The following SASH1 variants were observed in gnomAD, a reference collection of about 807,000 sequenced individuals.
SASH1 encodes SAM and SH3 domain-containing protein 1.
In SASH1, 44 loss-of-function variants were observed where a neutral mutation model predicts 125.2. The ratio of observed to expected loss-of-function variants is 0.35; its 90% CI spans 0.28 to 0.45. SASH1 has a LOEUF of 0.45. Among genes scored for constraint, SASH1 ranks in the 20% least tolerant of loss-of-function variants. The probability of loss-of-function intolerance (pLI) is 1.00; values close to 1 mark genes in which losing one functional copy is unlikely to be tolerated. For missense variants in SASH1, 1,426 were observed against 1,614.5 expected (o/e 0.88, Z 2.00); for synonymous variants, 639 against 649.1 (o/e 0.98, Z 0.24).
At chr6:148,446,103 T>TTTTTTTTCTTTTTTTTC (rs1776763078) in intron 4 of SASH1, among the ~76,000 whole-genome samples, 4 of 20,672 alleles carry the variant, frequency 1.9e-4, no homozygotes, top group African/African-American at 5.3e-4. Context: ...TTTTTTTTTT[T>TTTTTTTTCTTTTTTTTC]TTTTTTTTTT....
chr6:148,356,928 C>G (rs998297959), intron 1 of SASH1, among the ~76,000 whole-genome samples: 5 of 152,074 alleles, frequency 3.3e-5, no homozygotes, highest in Non-Finnish European at 7.4e-5. Context: ...TTTGTATTTC[C>G]CTGATAGTGA....
At chr6:148,384,637 A>G (rs1783286110) in intron 1 of SASH1, among the ~76,000 whole-genome samples, 1 of 152,210 alleles carries the variant, frequency 6.6e-6, no homozygotes, top group Non-Finnish European at 1.5e-5. Context: ...GTAAAATTAA[A>G]TATTTTTATG....
rs1779638821 is a variant in SASH1, at chr6:148,291,734, T to TA, written n.74+19357_74+19358insA. ...TATTTATGACTCGGGGACTTTTTTT[T>TA]TAAAAAAAGAAATGCTGTTTTAAGT... On this transcript the variant is annotated intron_variant and non_coding_transcript_variant, in intron 1 of 3. Coordinates refer to the SASH1 transcript ENST00000367469. Among the ~76,000 whole-genome samples the TA allele has an allele frequency of 6.6e-5, 10 of 151,930 alleles. No individual in the cohort carries two copies. The South Asian group carries it at 2.1e-3, about 32-fold the overall frequency.
At chr6:148,502,775 A>T (rs1419519429) in intron 8 of SASH1, among the ~76,000 whole-genome samples, 1 of 152,176 alleles carries the variant, frequency 6.6e-6, no homozygotes, top group Non-Finnish European at 1.5e-5. Context: ...GTAGGGCCCC[A>T]GGGCCATGTA....
In SASH1 at chr6:148,534,851, AACACAGAGCTGTTCTCTTG is replaced by A; in HGVS notation, c.2049_2067del (p.His683GlnfsTer29). 6.2e-7 allele frequency: 1 copy of A among 1,614,236 alleles called. No homozygotes were observed. Among genetic ancestry groups the A allele is most frequent in the Non-Finnish European group, 8.5e-7 (1 of 1,180,044 alleles). On this transcript the variant is annotated frameshift_variant, in exon 16 of 20. Coordinates refer to ENST00000367467, the MANE Select transcript of SASH1 (RefSeq NM_015278.5). LOFTEE classifies it high-confidence loss of function. ...GATGAGTTAAATATCAGGGACCCGG[AACACAGAGCTGTTCTCTTG>A]ACAGCAGTGGAGCTGTTACAAGAGT...
Position 148,307,721 on chromosome 6 carries a change from T to A in SASH1, n.74+35344T>A, listed in dbSNP as rs552416838. On this transcript the variant is annotated intron_variant and non_coding_transcript_variant, in intron 1 of 3. Transcript: ENST00000367469. ...TTAGGCAGCTGCTTGTTGAATTAGG[T>A]TATTAAAATGTCTGCTCAGCCTCTT... 1.7e-4 allele frequency among the ~76,000 whole-genome samples: 26 copies of A among 152,190 alleles called. No homozygotes were observed. In the South Asian group the frequency reaches 4.8e-3, roughly 28 times the overall value.
chr6:148,343,363 T>G, intron 1 of SASH1, 140 bp downstream of exon 1: 1 of 684,250 alleles, frequency 1.5e-6, no homozygotes, highest in South Asian at 2.1e-5. Flanking sequence ...CTTAGGGGGC[T>G]AAATACACAC....
At chr6:148,393,826 A>C (rs1783832249) in intron 2 of SASH1, 1 of 568,020 alleles carries the variant, frequency 1.8e-6, no homozygotes, top group African/African-American at 2.0e-5. Context: ...ATGACTGTTC[A>C]TTCTTTAAAT....
Position 148,474,239 on chromosome 6 carries a change from C to G in SASH1, c.627+17C>G. The G allele has an allele frequency of 2.7e-6, 4 of 1,483,778 alleles. No individual in the cohort carries two copies. The highest frequency in any genetic ancestry group is 3.7e-6 in the Non-Finnish European group (4 of 1,075,988). 91.9% of individuals were successfully genotyped at this position (1,483,778 alleles called of 1,614,324 possible). A position where few individuals can be genotyped will look rare whatever the true frequency, so the allele number is the denominator to read the frequency against. On this transcript the variant is annotated intron_variant, in intron 7 of 19. Transcript: ENST00000367467. The stretch of plus-strand genomic sequence containing the variant: ...CTTGCTAGGGTAAGCATGCAGATAC[C>G]TGGTTTATATTTGTGAGGACTTGAC...
intron 2 of SASH1, among the ~76,000 whole-genome samples, chr6:148,437,167 T>C (rs1192223249): frequency 6.6e-6 from 1 of 152,202 alleles, no homozygotes; most frequent in Non-Finnish European, 1.5e-5. Flanking sequence ...GTGACACTCA[T>C]CAGTGTTATA....
chr6:148,415,111 G>A (rs910156193), intron 2 of SASH1, among the ~76,000 whole-genome samples: 4 of 152,198 alleles, frequency 2.6e-5, no homozygotes, highest in Non-Finnish European at 4.4e-5. Flanking sequence ...GATGACAAAT[G>A]AGTAGGGCTT....
intron 1 of SASH1, among the ~76,000 whole-genome samples, chr6:148,334,800 A>G (rs1276281704): frequency 6.6e-6 from 1 of 150,978 alleles, no homozygotes; most frequent in Admixed American, 6.6e-5. Flanking sequence ...CAACAGAGCA[A>G]CACTCCATCT....
chr6:148,493,206 A>G (rs1779182844), intron 8 of SASH1, among the ~76,000 whole-genome samples: 1 of 152,230 alleles, frequency 6.6e-6, no homozygotes, highest in Non-Finnish European at 1.5e-5. Context: ...GTTCAGAGCT[A>G]CAACCCACCA....
chr6:148,476,296 A>G (rs1778341413), intron 7 of SASH1, among the ~76,000 whole-genome samples: 1 of 144,934 alleles, frequency 6.9e-6, no homozygotes, highest in Non-Finnish European at 1.5e-5. Context: ...AAAAAAAAGG[A>G]AAGCTATTCC....
intron 1 of SASH1, among the ~76,000 whole-genome samples, chr6:148,300,930 A>C (rs1227790038): frequency 6.6e-6 from 1 of 152,158 alleles, no homozygotes; most frequent in Non-Finnish European, 1.5e-5. Flanking sequence ...TTTTATTAGT[A>C]GTCATTGCAG....
At chr6:148,312,632 T>C (rs1780362437) in intron 1 of SASH1, among the ~76,000 whole-genome samples, 1 of 152,238 alleles carries the variant, frequency 6.6e-6, no homozygotes, top group Admixed American at 6.5e-5. Context: ...CATTTCCTCA[T>C]CTCTAAAGTG....
At chr6:148,508,536 C>CT in intron 8 of SASH1, 1 of 1,035,744 alleles carries the variant, frequency 9.7e-7, no homozygotes, top group Non-Finnish European at 1.2e-6. Flanking sequence ...ACAACACTCC[C>CT]TTTTTTCCTT....
Position 148,529,830 on chromosome 6 carries a change from G to A in SASH1, c.1429-1696G>A, listed in dbSNP as rs765970836. 4.0e-5 allele frequency among the ~76,000 whole-genome samples: 6 copies of A among 151,280 alleles called. No individual in the cohort carries two copies. Among genetic ancestry groups the A allele is most frequent in the Non-Finnish European group, 8.8e-5 (6 of 67,912 alleles). ...TTTGTTTTTGTTTTTGTTTTGAGAC[G>A]GAGTGTCACTCTGTCACCCAGGCTG... On this transcript the variant is annotated intron_variant, in intron 12 of 19. Transcript: ENST00000367467. This position sits in a 1 kb window ranked among gnomAD's most constrained non-coding sequence, Gnocchi z 4.2.
intron 2 of SASH1, among the ~76,000 whole-genome samples, chr6:148,420,808 C>T (rs1364127941): frequency 6.6e-6 from 1 of 152,062 alleles, no homozygotes; most frequent in Non-Finnish European, 1.5e-5. Flanking sequence ...TGGCTGGGCA[C>T]AGTGGCTCAC....
Sources: gnomAD v4.1 joint callset for allele counts (sites outside exome capture counted in the v4.1 genomes callset) on GRCh38, gnomAD v4.1.1 for gene constraint, Gnocchi (gnomAD v3.1) non-coding constraint, MANE v1.5 for transcripts, NCBI Gene and HGNC (gene_info 2026-07-23, HGNC 2026-07-21) for gene names.